ABI3BP: variants seen among roughly 807,000 people sequenced by gnomAD.
ABI3BP encodes the protein ABI family member 3 binding protein, also known as target of Nesh-SH3.
A neutral mutation model predicts 268.6 loss-of-function variants in ABI3BP; 216 were observed. The observed-to-expected ratio is 0.80, with a 90% confidence interval of 0.72 to 0.90. The LOEUF (loss-of-function observed/expected upper bound fraction) is 0.90. Among genes scored for constraint, ABI3BP ranks in the 40% least tolerant of loss-of-function variants. The probability of loss-of-function intolerance (pLI) is 0.00; values close to 1 mark genes in which losing one functional copy is unlikely to be tolerated. For missense variants in ABI3BP, 2,090 were observed against 2,182.4 expected (o/e 0.96, Z 0.84); for synonymous variants, 730 against 730.0 (o/e 1.00, Z 0.00).
intron 63 of ABI3BP, among the ~76,000 whole-genome samples, chr3:100,760,946 T>C (rs754890600): frequency 6.6e-6 from 1 of 152,130 alleles, no homozygotes; most frequent in Non-Finnish European, 1.5e-5. Context: ...TAAACTCATG[T>C]CACAGGAGTT....
At chr3:100,759,874 C>G (rs2095845686) in intron 63 of ABI3BP, among the ~76,000 whole-genome samples, 2 of 152,148 alleles carry the variant, frequency 1.3e-5, no homozygotes, top group African/African-American at 4.8e-5. Flanking sequence ...TTATTTTACT[C>G]CTTTCTACAA....
intron 2 of ABI3BP, among the ~76,000 whole-genome samples, chr3:100,910,381 A>G (rs775399951): frequency 1.3e-5 from 2 of 151,300 alleles, no homozygotes; most frequent in Non-Finnish European, 2.9e-5. Flanking sequence ...CATATTCTGC[A>G]CATGTACCCC....
intron 51 of ABI3BP, among the ~76,000 whole-genome samples, chr3:100,799,983 CCT>C (rs1185346387): frequency 6.6e-6 from 1 of 152,112 alleles, no homozygotes; most frequent in African/African-American, 2.4e-5. Flanking sequence ...CTCTCTATTC[CCT>C]GTTTCAGTTA....
intron 2 of ABI3BP, chr3:100,911,088 T>C (rs1041223261): frequency 1.1e-5 from 3 of 275,994 alleles, no homozygotes; most frequent in South Asian, 4.8e-5. Context: ...CTGTTTTACA[T>C]GGTTTGTCTT....
At chr3:100,775,388 C>A in intron 59 of ABI3BP, 53 bp from the exon 60 acceptor site, 1 of 1,555,504 alleles carries the variant, frequency 6.4e-7, no homozygotes, top group South Asian at 1.2e-5. Flanking sequence ...GCCAAGTTTC[C>A]TATAAACATT....
rs368798428 is a variant in ABI3BP at position 100,886,289 on chromosome 3, C to G, written c.496G>C (p.Glu166Gln). The G allele has an allele frequency of 1.8e-5, 29 of 1,606,318 alleles. No individual in the cohort carries two copies. In the African/African-American group the frequency reaches 3.8e-4, roughly 21 times the overall value. Reference sequence around the variant, plus strand: ...CAGATTTGAAAAATCCACTTCTTTTCTTTATCCTTTTCTCGATAGCGAATT... The same window carrying G: ...CAGATTTGAAAAATCCACTTCTTTTGTTTATCCTTTTCTCGATAGCGAATT... ...YTIRYREKDK[E>Q]KKWIFQICPA... Residue 166 changes from glutamate to glutamine, a missense_variant, in exon 5 of 68, where the codon GAA becomes CAA. Glu to Gln is a conservative substitution (Grantham distance 29). Coordinates refer to ENST00000471714, the MANE Select transcript of ABI3BP (RefSeq NM_001375547.2).
chr3:100,917,542 C>A (rs1260992216), intron 2 of ABI3BP, among the ~76,000 whole-genome samples: 1 of 152,122 alleles, frequency 6.6e-6, no homozygotes, highest in East Asian at 1.9e-4. Flanking sequence ...CCACTTAAGA[C>A]CCCTTCTCCA....
Position 100,751,501 on chromosome 3 carries a change from C to T in ABI3BP, c.5245+51G>A, listed in dbSNP as rs1474610995. 1.2e-5 allele frequency: 17 copies of T among 1,458,206 alleles called. No homozygotes were observed. The East Asian group carries it at 4.0e-4, about 34-fold the overall frequency. The allele number at this position is 1,458,206 out of a possible 1,614,324, so 90.3% of individuals were successfully genotyped here. On this transcript the variant is annotated intron_variant, in intron 67 of 67. Coordinates refer to ENST00000471714, the MANE Select transcript of ABI3BP (RefSeq NM_001375547.2). ...TTGCTTTCCTCAGCTTGATTTCTTT[C>T]TGAGTTAATCTGTAAAACTCTGTTC...
At chr3:100,901,377 A>C (rs958008319) in intron 3 of ABI3BP, among the ~76,000 whole-genome samples, 1 of 152,204 alleles carries the variant, frequency 6.6e-6, no homozygotes, top group African/African-American at 2.4e-5. Context: ...TATAGCAAAC[A>C]AACAAAAAGA....
Position 100,838,478 on chromosome 3 carries a change from T to C in ABI3BP, c.1946-14A>G. ...ATGGTTTTGAGGCTAAAGAAAAAGG[T>C]ATTAAAATTACCACAATGGGTCATG... On this transcript the variant is annotated splice_polypyrimidine_tract_variant and intron_variant, in intron 24 of 67. Coordinates refer to ENST00000471714, the MANE Select transcript of ABI3BP (RefSeq NM_001375547.2). 1 of 1,531,816 alleles carries C rather than the reference T, an allele frequency of 6.5e-7. No individual in the cohort carries two copies. The highest frequency in any genetic ancestry group is 8.7e-7 in the Non-Finnish European group (1 of 1,143,280). 94.9% of individuals were successfully genotyped at this position (1,531,816 alleles called of 1,614,324 possible).
At chr3:100,844,204 A>G (rs1266029732) in intron 20 of ABI3BP, 3 of 985,356 alleles carry the variant, frequency 3.0e-6, no homozygotes, top group African/African-American at 3.5e-5. Context: ...GTGTGTAGGA[A>G]TGAGAACAAT....
At chr3:100,853,567 T>A (rs1253349048) in intron 14 of ABI3BP, among the ~76,000 whole-genome samples, 1 of 152,242 alleles carries the variant, frequency 6.6e-6, no homozygotes, top group Non-Finnish European at 1.5e-5. Flanking sequence ...CTGTCTTTGT[T>A]ATCCTAACTC....
At chr3:100,751,479 C>CT (rs1313355859) in intron 67 of ABI3BP, 73 bp downstream of exon 67, 2 of 1,397,964 alleles carry the variant, frequency 1.4e-6, no homozygotes, top group African/African-American at 2.9e-5. Context: ...AAATTGCTTG[C>CT]TTTCCTCAGC....
intron 31 of ABI3BP, among the ~76,000 whole-genome samples, 155 bp from the exon 32 acceptor site, chr3:100,830,789 A>C (rs893709033): frequency 6.6e-6 from 1 of 152,162 alleles, no homozygotes; most frequent in African/African-American, 2.4e-5. Flanking sequence ...TTTCCTTTGA[A>C]TATTTCTCCA....
intron 1 of ABI3BP, among the ~76,000 whole-genome samples, chr3:100,988,669 C>G (rs957046952): frequency 1.3e-5 from 2 of 152,178 alleles, no homozygotes; most frequent in Non-Finnish European, 2.9e-5. Context: ...TGACCCCTCT[C>G]TATTGTAATT....
rs536568638 is a variant in ABI3BP, at chr3:100,833,129, A to G, written c.2310T>C (p.Ser770=). The change falls in exon 30 of 68, where the codon TCT becomes TCC. Residue 770 remains serine, a synonymous_variant. Transcript: ENST00000471714. ...AAGGACATAGAGAGTCATTACCTGA[A>G]GATGTCCCAGGAGTAATAGGTCCAA... ...LDFGPITPGT[S]SAPTTTTKRT... 7.2e-6 allele frequency: 11 copies of G among 1,534,848 alleles called. No homozygotes were observed. The South Asian group carries it at 1.2e-4, about 17-fold the overall frequency.
At chr3:100,979,116 A>C (rs2087850720) in intron 1 of ABI3BP, among the ~76,000 whole-genome samples, 1 of 152,212 alleles carries the variant, frequency 6.6e-6, no homozygotes, top group South Asian at 2.1e-4. Context: ...GATGGAGCCC[A>C]GTGTTCTGAG....
Position 100,778,582 on chromosome 3 carries a change from C to T in ABI3BP, c.4241-206G>A, listed in dbSNP as rs1203544103. The T allele has an allele frequency of 1.2e-5, 7 of 584,844 alleles. No individual in the cohort carries two copies. The South Asian group carries it at 1.5e-4, about 13-fold the overall frequency. 36.2% of individuals were successfully genotyped at this position (584,844 alleles called of 1,614,324 possible). A position where few individuals can be genotyped will look rare whatever the true frequency, so the allele number is the denominator to read the frequency against. On this transcript the variant is annotated intron_variant, in intron 58 of 67. Transcript: ENST00000471714. ...GGTAATGTCCCCAGGGACAACAACG[C>T]ACTGTAGTATATAGAAAACATGTCC...
intron 1 of ABI3BP, among the ~76,000 whole-genome samples, chr3:100,933,698 A>C (rs888310276): frequency 2.0e-5 from 3 of 151,758 alleles, no homozygotes; most frequent in South Asian, 4.2e-4. Flanking sequence ...CTATTCAATA[A>C]AAAGAAAGAA....
Sources: allele counts gnomAD v4.1 joint callset (sites outside exome capture counted in the v4.1 genomes callset), GRCh38; gene constraint gnomAD v4.1.1; transcripts MANE v1.5; gene names NCBI Gene and HGNC (gene_info 2026-07-23, HGNC 2026-07-21).